BRME1: variants seen among roughly 807,000 people sequenced by gnomAD.
BRME1 encodes the protein break repair meiotic recombinase recruitment factor 1, also known as BRCA2 and MEILB2-associating protein 1.
BRME1 carries 31 observed loss-of-function variants against 52.6 expected under a neutral mutation model. The ratio of observed to expected loss-of-function variants is 0.59; its 90% CI spans 0.44 to 0.80. The LOEUF is 0.80. Among genes scored for constraint, BRME1 ranks in the 30% least tolerant of loss-of-function variants. BRME1 has a pLI of 0.00. For synonymous variants in BRME1, 359 were observed against 353.6 expected (o/e 1.02, Z -0.17); for missense variants, 804 against 860.3 (o/e 0.93, Z 0.82).
intron 1 of BRME1, among the ~76,000 whole-genome samples, chr19:13,905,366 G>A (rs1970619121): frequency 6.6e-6 from 1 of 151,972 alleles, no homozygotes; most frequent in African/African-American, 2.4e-5. Flanking sequence ...AATTAGCCTG[G>A]GCATCGTGAC....
chr19:13,892,220 G>A (rs1223995884), intron 5 of BRME1, among the ~76,000 whole-genome samples: 2 of 152,134 alleles, frequency 1.3e-5, no homozygotes, highest in Non-Finnish European at 1.5e-5. Flanking sequence ...AGTTATGCAT[G>A]GTGTTACCAC....
intron 6 of BRME1, among the ~76,000 whole-genome samples, chr19:13,887,787 A>G (rs1434552324): frequency 7.6e-6 from 1 of 131,994 alleles, no homozygotes; most frequent in African/African-American, 3.2e-5. Flanking sequence ...TTTTTTTTTG[A>G]GACAGGGAGT....
At chr19:13,901,654 G>A (rs575904850) in intron 2 of BRME1, among the ~76,000 whole-genome samples, 4 of 150,728 alleles carry the variant, frequency 2.7e-5, no homozygotes, top group African/African-American at 4.9e-5. Flanking sequence ...AACCAAAATC[G>A]TGCCACTGCA....
At chr19:13,902,847 C>T (rs1169821417) in intron 2 of BRME1, among the ~76,000 whole-genome samples, 1 of 150,224 alleles carries the variant, frequency 6.7e-6, no homozygotes, top group Non-Finnish European at 1.5e-5. Flanking sequence ...ATCGCCTGAA[C>T]TTGGGAGGTG....
chr19:13,890,332 CTCT>C lies in BRME1; in HGVS notation c.521_523del (p.Gln174_Ser175delinsArg). 1 of 1,599,838 alleles carries C rather than the reference CTCT, an allele frequency of 6.3e-7. No individual in the cohort carries two copies. On this transcript the variant is annotated inframe_deletion, in exon 6 of 9. Transcript: ENST00000586783. ...CACCGCCTGCACAGGGCTCTGGCTG[CTCT>C]GCTCAGGGCGGGCACTGTCTGCCTG...
chr19:13,889,950 C>T lies in BRME1; in HGVS notation c.906G>A (p.Gly302=), dbSNP rs149879449. The T allele has an allele frequency of 5.2e-4, 834 of 1,612,684 alleles. 4 individuals carry two copies. In the African/African-American group the frequency reaches 9.8e-3, roughly 19 times the overall value. The stretch of plus-strand genomic sequence containing the variant: ...GGTCAGGGGAGCCCTGGGCCACAGA[C>T]CCGGGTTCCAGGCACCAAGAGGCAG... ...LGPASWCLEP[G]SVAQGSPDPQ... Residue 302 remains glycine (G), a synonymous_variant, in exon 6 of 9, where the codon GGG becomes GGA. Coordinates refer to ENST00000586783, the MANE Select transcript of BRME1 (RefSeq NM_001345843.2).
intron 5 of BRME1, 91 bp from the exon 6 acceptor site, chr19:13,890,553 G>C (rs1969414828): frequency 8.7e-6 from 11 of 1,262,044 alleles, no homozygotes; most frequent in Non-Finnish European, 1.1e-5. Context: ...GTAATTGCGG[G>C]TTTTGTCATT....
In BRME1 at chr19:13,882,857, G is replaced by T; in HGVS notation, c.1952C>A (p.Pro651His). The T allele has an allele frequency of 6.2e-7, 1 of 1,614,076 alleles. No individual in the cohort carries two copies. Among genetic ancestry groups the T allele is most frequent in the Non-Finnish European group, 8.5e-7 (1 of 1,180,002 alleles). The change falls in exon 9 of 9, where the codon CCT becomes CAT. Residue 651 changes from proline (P) to histidine (H), a missense_variant. Pro to His is a moderately conservative substitution (Grantham distance 77). Transcript: ENST00000586783. ...KLGGKAPLPY[P>H]SKGPGNIPRG... ...AGGGATATTCCCAGGCCCCTTGGAA[G>T]GGTAAGGCAGGGGGGCTTTGCCTCC...
rs148678261 is a variant in BRME1, at chr19:13,903,751, G to C, written c.31+1111C>G. Among the ~76,000 whole-genome samples the C allele has an allele frequency of 1.1e-4, 17 of 151,816 alleles. No homozygotes were observed. In the East Asian group the frequency reaches 3.1e-3, roughly 28 times the overall value. ...AAATCCCTTCCTCTCACCTAGTTGAGAAACACTGCTCTAAAGGAAAGGGTA... is the reference window on the plus strand; with the variant it reads ...AAATCCCTTCCTCTCACCTAGTTGACAAACACTGCTCTAAAGGAAAGGGTA... On this transcript the variant is annotated intron_variant, in intron 2 of 8. Transcript: ENST00000586783.
In BRME1 at chr19:13,883,769, C is replaced by T. The variant is rs573293716; in HGVS notation, c.1764-369G>A. Among the ~76,000 whole-genome samples, 1 of 151,308 alleles carries T rather than the reference C, an allele frequency of 6.6e-6. No individual in the cohort carries two copies. Among genetic ancestry groups the T allele is most frequent in the East Asian group, 1.9e-4 (1 of 5,150 alleles). On this transcript the variant is annotated intron_variant, in intron 7 of 8. Coordinates refer to ENST00000586783, the MANE Select transcript of BRME1 (RefSeq NM_001345843.2). This position sits in a 1 kb window ranked among gnomAD's most constrained non-coding sequence, Gnocchi z 4.2. ...TGCCTGCCCCGTGCCCTCCCCTCAT[C>T]CCCCGCTTCTCCCCTCCCCTCGGCT...
At chr19:13,901,162 A>G (rs1266408701) in intron 2 of BRME1, among the ~76,000 whole-genome samples, 1 of 149,492 alleles carries the variant, frequency 6.7e-6, no homozygotes, top group Non-Finnish European at 1.5e-5. Context: ...TTTTTTTTAG[A>G]GACTGGGTAA....
chr19:13,897,378 C>T (rs867734492), intron 2 of BRME1, among the ~76,000 whole-genome samples: 1 of 152,136 alleles, frequency 6.6e-6, no homozygotes, highest in African/African-American at 2.4e-5. Flanking sequence ...AAGACTTCCC[C>T]AAGCCTGGCC....
In BRME1 at chr19:13,896,337, T is replaced by C. The variant is rs775391764; in HGVS notation, c.32-791A>G. 3.4e-5 allele frequency among the ~76,000 whole-genome samples: 5 copies of C among 147,786 alleles called. No individual in the cohort carries two copies. In the South Asian group the frequency reaches 1.0e-3, roughly 31 times the overall value. The stretch of plus-strand genomic sequence containing the variant: ...TACATATTCATATTTAATATATACA[T>C]ACATATAAAATATATAATTATAATG... On this transcript the variant is annotated intron_variant, in intron 2 of 8. Transcript: ENST00000586783.
rs1599355077 is a variant in BRME1, at chr19:13,900,612, T to C, written c.31+4250A>G. ...AAGTCATTTCAAAATTTTGAAGAAA[T>C]TTAACTTACTTTAGAAAATGATAGG... On this transcript the variant is annotated intron_variant, in intron 2 of 8. Coordinates refer to ENST00000586783, the MANE Select transcript of BRME1 (RefSeq NM_001345843.2). Among the ~76,000 whole-genome samples, 3 of 152,314 alleles carry C rather than the reference T, an allele frequency of 2.0e-5. No individual in the cohort carries two copies. The East Asian group carries it at 5.8e-4, about 29-fold the overall frequency.
rs927942616 is a variant in BRME1 at position 13,905,850 on chromosome 19, G to C, written c.-157C>G. On this transcript the variant is annotated 5_prime_UTR_variant, in exon 1 of 9. Transcript: ENST00000586783. ...ATAAATGGCCAAATTGGCCCTCACA[G>C]AACGCTGGAGGCCTCGAGTCCGGAG... 1 of 152,212 alleles carries C rather than the reference G, an allele frequency of 6.6e-6. No homozygotes were observed. The highest frequency in any genetic ancestry group is 2.4e-5 in the African/African-American group (1 of 41,440). 9.4% of individuals were successfully genotyped at this position (152,212 alleles called of 1,614,324 possible).
intron 6 of BRME1, 43 bp downstream of exon 6, chr19:13,889,145 C>T (rs769295047): frequency 1.3e-6 from 2 of 1,507,802 alleles, no homozygotes; most frequent in Non-Finnish European, 1.8e-6. Flanking sequence ...AGGTTGGGTG[C>T]CTGCCCTGGG....
At chr19:13,902,871 G>T (rs987432694) in intron 2 of BRME1, among the ~76,000 whole-genome samples, 3 of 151,184 alleles carry the variant, frequency 2.0e-5, no homozygotes, top group Admixed American at 1.3e-4. Flanking sequence ...GTTGCAGTAA[G>T]CCGAGATCGC....
Position 13,889,221 on chromosome 19 carries a change from C to T in BRME1, c.1635G>A (p.Leu545=). 6.2e-7 allele frequency: 1 copy of T among 1,607,318 alleles called. No individual in the cohort carries two copies. The highest frequency in any genetic ancestry group is 8.5e-7 in the Non-Finnish European group (1 of 1,176,190). ...GTGGGGCTTCGAAGTCAGAGGCGTC[C>T]AGGGCATCCTGTATCTGGCTGTCCA... ...FLLDSQIQDA[L]DASDFEAPPE... is the part of the protein sequence containing the mutation. Residue 545 remains leucine (L), a synonymous_variant, in exon 6 of 9, where the codon CTG becomes CTA. Coordinates refer to ENST00000586783, the MANE Select transcript of BRME1 (RefSeq NM_001345843.2).
Position 13,890,371 on chromosome 19 carries a change from C to T in BRME1, c.485G>A (p.Gly162Glu), listed in dbSNP as rs776068415. The T allele has an allele frequency of 1.8e-5, 28 of 1,553,342 alleles. No homozygotes were observed. In the East Asian group the frequency reaches 6.3e-4, roughly 35 times the overall value. ...GVPLQEATEL[G>E]DPTQADSARP... The stretch of plus-strand genomic sequence containing the variant: ...GGCACTGTCTGCCTGCGTTGGGTCC[C>T]CCAGCTCCGTGGCCTCCTGGAGGGG... The change falls in exon 6 of 9, where the codon GGG (glycine) becomes GAG (glutamate). Residue 162 changes from glycine to glutamate, a missense_variant. Around this residue, in one of 3 missense-constraint regions of BRME1, gnomAD observed 234 missense variants for 258.1 expected, o/e 0.91. Coordinates refer to ENST00000586783, the MANE Select transcript of BRME1 (RefSeq NM_001345843.2).
Sources: gnomAD v4.1 joint callset for allele counts (sites outside exome capture counted in the v4.1 genomes callset) on GRCh38, gnomAD v4.1.1 for gene constraint, gnomAD v4.1.1 regional missense constraint, Gnocchi (gnomAD v3.1) non-coding constraint, MANE v1.5 for transcripts, NCBI Gene and HGNC (gene_info 2026-07-23, HGNC 2026-07-21) for gene names.